The following TAF4 variants were observed in gnomAD, a reference collection of about 807,000 sequenced individuals.
TAF4 encodes the protein TATA-box binding protein associated factor 4.
In TAF4, 9 loss-of-function variants were observed where a neutral mutation model predicts 90.3. The ratio of observed to expected loss-of-function variants is 0.10; its 90% confidence interval spans 0.06 to 0.17. TAF4 has a LOEUF of 0.17. TAF4 is among the 10% of genes least tolerant of loss of function. TAF4 has a pLI of 1.00. For missense variants in TAF4, 1,351 were observed against 1,370.7 expected (o/e 0.99, Z 0.23); for synonymous variants, 818 against 638.9 (o/e 1.28, Z -4.23).
intron 4 of TAF4, among the ~76,000 whole-genome samples, chr20:62,009,843 G>A (rs548539598): frequency 4.6e-5 from 7 of 152,282 alleles, no homozygotes; most frequent in Middle Eastern, 3.4e-3. Flanking sequence ...AGACTTCTGC[G>A]GTCTAAGGCC....
chr20:61,994,685 C>T (rs1425899060), intron 14 of TAF4, among the ~76,000 whole-genome samples: 2 of 152,206 alleles, frequency 1.3e-5, no homozygotes, highest in Admixed American at 1.3e-4. Context: ...TTCCAACAGT[C>T]CTGGTGGGGA....
chr20:62,049,880 G>A lies in TAF4; in HGVS notation c.1360+14571C>T, dbSNP rs559813580. ...CACCATCGTCACAAAGACTAAACACGGTGCCAGAGACGACGGCACTCAAGA... is the reference window on the plus strand; with the variant it reads ...CACCATCGTCACAAAGACTAAACACAGTGCCAGAGACGACGGCACTCAAGA... On this transcript the variant is annotated intron_variant, in intron 1 of 14. Transcript: ENST00000252996. Among the ~76,000 whole-genome samples, 19 of 152,130 alleles carry A rather than the reference G, an allele frequency of 1.2e-4. No homozygotes were observed. In the South Asian group the frequency reaches 2.3e-3, roughly 18 times the overall value.
Position 62,042,246 on chromosome 20 carries a change from C to G in TAF4, c.1360+22205G>C, listed in dbSNP as rs979494084. 3.9e-5 allele frequency among the ~76,000 whole-genome samples: 6 copies of G among 152,284 alleles called. 1 individual carries two copies. In the South Asian group the frequency reaches 1.2e-3, roughly 32 times the overall value. On this transcript the variant is annotated intron_variant, in intron 1 of 14. Transcript: ENST00000252996. The stretch of plus-strand genomic sequence containing the variant: ...TGTCGAGAGGGGTTTGGCTGGGCAC[C>G]GTCCAGGAGGAGATCGGCTGCGGGA...
intron 1 of TAF4, among the ~76,000 whole-genome samples, chr20:62,052,049 C>A (rs956560462): frequency 3.3e-5 from 5 of 152,166 alleles, no homozygotes; most frequent in Non-Finnish European, 7.4e-5. Flanking sequence ...GCCACCTTCC[C>A]CTTCTGCGTC....
chr20:62,053,741 C>T (rs983061470), intron 1 of TAF4, among the ~76,000 whole-genome samples: 8 of 152,236 alleles, frequency 5.3e-5, no homozygotes, highest in African/African-American at 1.4e-4. Flanking sequence ...GCTGTCCACC[C>T]GTATCCCACC....
chr20:62,014,046 A>G (rs111407783), intron 2 of TAF4, among the ~76,000 whole-genome samples: 8,503 of 73,520 alleles, frequency 0.12, 703 homozygotes, highest in African/African-American at 0.35. Context: ...GTGTGTGTGT[A>G]TGTGTGTGTG....
In TAF4 at chr20:62,064,959, G is replaced by A. The variant is rs2056116546; in HGVS notation, c.852C>T (p.Pro284=). The change falls in exon 1 of 15, where the codon CCC becomes CCT. Residue 284 remains proline, a synonymous_variant. Transcript: ENST00000252996. ...PPAPATLARP[P]GHPAGPPTAA... ...CGGTCGGGGGTCCGGCGGGGTGGCCGGGCGGCCGGGCCAGAGTGGCGGGCG... is the reference window on the plus strand; with the variant it reads ...CGGTCGGGGGTCCGGCGGGGTGGCCAGGCGGCCGGGCCAGAGTGGCGGGCG... 2 of 451,398 alleles carry A rather than the reference G, an allele frequency of 4.4e-6. No individual in the cohort carries two copies. The highest frequency in any genetic ancestry group is 9.3e-5 in the South Asian group (1 of 10,748). 28.0% of individuals were successfully genotyped at this position (451,398 alleles called of 1,614,324 possible).
intron 14 of TAF4, among the ~76,000 whole-genome samples, chr20:61,987,747 T>C (rs79773054): frequency 6.6e-6 from 1 of 152,262 alleles, no homozygotes; most frequent in East Asian, 1.9e-4. Flanking sequence ...TGAAAATTTA[T>C]GTCCACACGA....
intron 1 of TAF4, among the ~76,000 whole-genome samples, chr20:62,056,902 G>T (rs6121883): frequency 9.9e-5 from 15 of 152,086 alleles, no homozygotes; most frequent in African/African-American, 3.6e-4. Context: ...CCTGCTTCCC[G>T]TGTCACCCTT....
chr20:62,024,471 G>A (rs1049708659), intron 1 of TAF4, among the ~76,000 whole-genome samples: 1 of 152,242 alleles, frequency 6.6e-6, no homozygotes, highest in African/African-American at 2.4e-5. Flanking sequence ...GACACTGCTA[G>A]AGAATGAGAA....
At chr20:62,061,122 C>T (rs1419441079) in intron 1 of TAF4, among the ~76,000 whole-genome samples, 2 of 152,224 alleles carry the variant, frequency 1.3e-5, no homozygotes, top group East Asian at 1.9e-4. Context: ...TAGGAATGTC[C>T]CTTGTGCCAG....
At chr20:62,003,066 G>T in intron 9 of TAF4, 94 bp downstream of exon 9, 1 of 1,078,030 alleles carries the variant, frequency 9.3e-7, no homozygotes. Flanking sequence ...GGGCCACGTG[G>T]GAAAGACCCG....
chr20:62,017,362 G>A (rs992774681), intron 1 of TAF4, among the ~76,000 whole-genome samples: 1 of 152,062 alleles, frequency 6.6e-6, no homozygotes, highest in East Asian at 1.9e-4. Flanking sequence ...TCCAAGGCCA[G>A]GCACGGTGGC....
At position 62,064,556 on chromosome 20, in the gene TAF4, T is replaced by C. The variant is rs1178610839; in HGVS notation, c.1255A>G (p.Thr419Ala). The C allele has an allele frequency of 1.1e-5, 16 of 1,519,900 alleles. No individual in the cohort carries two copies. The highest frequency in any genetic ancestry group is 1.3e-5 in the Non-Finnish European group (15 of 1,138,828). 94.2% of individuals were successfully genotyped at this position (1,519,900 alleles called of 1,614,324 possible). A position where few individuals can be genotyped will look rare whatever the true frequency, so the allele number is the denominator to read the frequency against. Residue 419 changes from threonine to alanine, a missense_variant, in exon 1 of 15, where the codon ACC becomes GCC. Thr to Ala is a moderately conservative substitution (Grantham distance 58). This residue lies in a region of TAF4 where 782 missense variants were observed against 536.6 expected (regional missense o/e 1.46). Transcript: ENST00000252996. ...TQSLSRTPTA[T>A]TSGIRATLTP... ...AGGGTGGCCCGAATCCCGCTGGTGG[T>C]GGCCGTGGGCGTCCGGGACAGGCTC... is the stretch of plus-strand genomic sequence containing the variant.
intron 1 of TAF4, among the ~76,000 whole-genome samples, chr20:62,030,072 A>G (rs2055896432): frequency 6.6e-6 from 1 of 152,086 alleles, no homozygotes; most frequent in South Asian, 2.1e-4. Flanking sequence ...GCACAATGCC[A>G]GCGCTGCGAG....
intron 14 of TAF4, among the ~76,000 whole-genome samples, chr20:61,977,553 T>C (rs1481141062): frequency 6.6e-6 from 1 of 151,972 alleles, no homozygotes; most frequent in Admixed American, 6.6e-5. Flanking sequence ...GCTGGGAGCA[T>C]GGCTGCCTTG....
At position 62,064,873 on chromosome 20, in the gene TAF4, G is replaced by T; in HGVS notation, c.938C>A (p.Pro313His). The T allele has an allele frequency of 1.1e-6, 1 of 931,940 alleles. No individual in the cohort carries two copies. The highest frequency in any genetic ancestry group is 1.8e-5 in the African/African-American group (1 of 54,622). The allele number at this position is 931,940 out of a possible 1,614,324, so 57.7% of individuals were successfully genotyped here. ...GCCCCCGGCGGCCGGGGCGGGGGCG[G>T]GGGCTGCCCCGGCGCTGCCCCCGTT... Reference protein sequence around the residue: ...AQNGGSAGAAPAPAPAAGGPA... With the variant: ...AQNGGSAGAAHAPAPAAGGPA... Residue 313 changes from proline to histidine, a missense_variant, in exon 1 of 15, where the codon CCC becomes CAC. Transcript: ENST00000252996.
intron 1 of TAF4, among the ~76,000 whole-genome samples, chr20:62,033,862 GAA>G (rs1249733548): frequency 6.6e-6 from 1 of 152,016 alleles, no homozygotes; most frequent in Non-Finnish European, 1.5e-5. Context: ...CTAACACGGT[GAA>G]ACCCCTTCTC....
chr20:62,064,256 C>A, intron 1 of TAF4, 195 bp downstream of exon 1: 1 of 519,996 alleles, frequency 1.9e-6, no homozygotes, highest in Non-Finnish European at 3.0e-6. Flanking sequence ...CAGGCTATGC[C>A]GACTCCCTCT....
Sources: gnomAD v4.1 joint callset for allele counts (sites outside exome capture counted in the v4.1 genomes callset) on GRCh38, gnomAD v4.1.1 for gene constraint, gnomAD v4.1.1 regional missense constraint, MANE v1.5 for transcripts, NCBI Gene and HGNC (gene_info 2026-07-23, HGNC 2026-07-21) for gene names.